ARHGEF1: variants seen among roughly 807,000 people sequenced by gnomAD.
The protein encoded by ARHGEF1 is 115 kDa guanine nucleotide exchange factor.
ARHGEF1 carries 40 observed loss-of-function variants against 119.7 expected under a neutral mutation model. The observed-to-expected ratio is 0.33, with a 90% CI of 0.26 to 0.44. The LOEUF (loss-of-function observed/expected upper bound fraction) is 0.44. Ranked by LOEUF, ARHGEF1 falls within the 20% of genes least tolerant of loss-of-function variation. The probability of loss-of-function intolerance (pLI) is 1.00; values close to 1 mark genes in which losing one functional copy is unlikely to be tolerated. For synonymous variants in ARHGEF1, 494 were observed against 521.0 expected (o/e 0.95, Z 0.71); for missense variants, 976 against 1,268.3 (o/e 0.77, Z 3.50).
chr19:41,909,799 G>A, downstream of ARHGEF1: 3 of 1,486,800 alleles, frequency 2.0e-6, no homozygotes, highest in Non-Finnish European at 1.8e-6. The surrounding 1 kb of genome is among the most constrained non-coding windows in gnomAD (Gnocchi z 5.2). Context: ...GATGCAGAGG[G>A]GGCACCAGAG....
chr19:41,902,098 TGGGTTCAACCTGCTCGGGAACCCCA>T lies in ARHGEF1; in HGVS notation c.1414+73_1414+97del, dbSNP rs1180012878. 6 of 1,598,130 alleles carry T rather than the reference TGGGTTCAACCTGCTCGGGAACCCCA, an allele frequency of 3.8e-6. No homozygotes were observed. The Admixed American group carries it at 6.8e-5, about 18-fold the overall frequency. On this transcript the variant is annotated intron_variant, in intron 15 of 28. Coordinates refer to ENST00000354532, the MANE Select transcript of ARHGEF1 (RefSeq NM_004706.4). This position sits in a 1 kb window ranked among gnomAD's most constrained non-coding sequence, Gnocchi z 6.5. ...CCCACGGGCAGCTCTGCTCTAGCCC[TGGGTTCAACCTGCTCGGGAACCCCA>T]GGGTTCACATGGGGTGGGGGCAGAT...
chr19:41,904,872 T>A lies in ARHGEF1; in HGVS notation c.2162-77T>A. 7.8e-7 allele frequency: 1 copy of A among 1,283,896 alleles called. No individual in the cohort carries two copies. Among genetic ancestry groups the A allele is most frequent in the Admixed American group, 1.7e-5 (1 of 58,928 alleles). 79.5% of individuals were successfully genotyped at this position (1,283,896 alleles called of 1,614,324 possible). ...GAGAGCGCCACCACTGTGGGTGACT[T>A]CTCCAGCTTGTGCTTAGGGAGGGGC... is the stretch of plus-strand genomic sequence containing the variant. On this transcript the variant is annotated intron_variant, in intron 22 of 28. Coordinates refer to ENST00000354532, the MANE Select transcript of ARHGEF1 (RefSeq NM_004706.4). The surrounding 1 kb of genome is among the most constrained non-coding windows in gnomAD (Gnocchi z 8.4).
Position 41,905,523 on chromosome 19 carries a change from G to A in ARHGEF1, c.2337-237G>A, listed in dbSNP as rs1015533284. The A allele has an allele frequency of 1.3e-5, 8 of 614,428 alleles. No homozygotes were observed. The highest frequency in any genetic ancestry group is 1.9e-5 in the African/African-American group (1 of 54,016). 38.1% of individuals were successfully genotyped at this position (614,428 alleles called of 1,614,324 possible). On this transcript the variant is annotated intron_variant, in intron 24 of 28. Transcript: ENST00000354532. The surrounding 1 kb of genome is among the most constrained non-coding windows in gnomAD (Gnocchi z 6.4). Reference sequence around the variant, plus strand: ...TGTGTGCATGCGTGTGACAGCATGTGCATGCATGTGTGTGTGTGTGCGCAT... The same window carrying A: ...TGTGTGCATGCGTGTGACAGCATGTACATGCATGTGTGTGTGTGTGCGCAT...
chr19:41,893,369 C>CG lies in ARHGEF1; in HGVS notation c.644+66_644+67insG, dbSNP rs2074410205. ...GGGAGGAGGGGGCTGAGGGCCTGGA[C>CG]TCCTGGGTCTGAGGGAGGAGGAGGC... On this transcript the variant is annotated intron_variant, in intron 8 of 28. Coordinates refer to ENST00000354532, the MANE Select transcript of ARHGEF1 (RefSeq NM_004706.4). The CG allele has an allele frequency of 4.9e-5, 68 of 1,389,170 alleles. No homozygotes were observed. In the East Asian group the frequency reaches 7.6e-4, roughly 15 times the overall value. The allele number at this position is 1,389,170 out of a possible 1,614,324, so 86.1% of individuals were successfully genotyped here.
chr19:41,914,588 T>C (rs73049398), intron 18 of ARHGEF1, among the ~76,000 whole-genome samples: 10,974 of 25,722 alleles, frequency 0.43, 3,021 homozygotes, highest in African/African-American at 0.71. Flanking sequence ...TCTCCCTCCC[T>C]TTCCACCATC....
At chr19:41,920,712 C>G (rs1376340463), upstream of ARHGEF1, among the ~76,000 whole-genome samples, 1 of 152,258 alleles carries the variant, frequency 6.6e-6, no homozygotes, top group South Asian at 2.1e-4. Flanking sequence ...TGTGCACATG[C>G]GCACACACAC....
chr19:41,886,582 G>A (rs782315244), intron 1 of ARHGEF1, among the ~76,000 whole-genome samples: 1 of 152,168 alleles, frequency 6.6e-6, no homozygotes, highest in Non-Finnish European at 1.5e-5. Flanking sequence ...CACCTGGCCA[G>A]TTTGCAAATT....
At chr19:41,930,079 G>A (rs1214556088) in exon 3 of ARHGEF1, 4 of 152,200 alleles carry the variant, frequency 2.6e-5, no homozygotes, top group Non-Finnish European at 5.9e-5. Context: ...AAGTAAACAC[G>A]CATTTGCTGT....
At chr19:41,909,940 G>T, downstream of ARHGEF1, 3 of 1,613,880 alleles carry the variant, frequency 1.9e-6, no homozygotes, top group South Asian at 2.2e-5. This position sits in a 1 kb window ranked among gnomAD's most constrained non-coding sequence, Gnocchi z 5.2. Context: ...CCACCTCATC[G>T]GGGTCTTTGA....
In ARHGEF1 at chr19:41,896,495, G is replaced by A; in HGVS notation, c.1121+13G>A. The A allele has an allele frequency of 6.7e-7, 1 of 1,493,620 alleles. No individual in the cohort carries two copies. The highest frequency in any genetic ancestry group is 8.9e-7 in the Non-Finnish European group (1 of 1,118,334). The allele number at this position is 1,493,620 out of a possible 1,614,324, so 92.5% of individuals were successfully genotyped here. ...CCGAAACCGAGAGGTGCCCAGGCTG[G>A]GGTGCAGGGGCGGGAGGTGTGGCTT... is the stretch of plus-strand genomic sequence containing the variant. On this transcript the variant is annotated intron_variant, in intron 13 of 28. Coordinates refer to ENST00000354532, the MANE Select transcript of ARHGEF1 (RefSeq NM_004706.4).
intron 1 of ARHGEF1, among the ~76,000 whole-genome samples, chr19:41,885,071 C>T (rs1047948832): frequency 2.6e-4 from 39 of 152,058 alleles, no homozygotes; most frequent in African/African-American, 9.4e-4. Context: ...CATGGACCTT[C>T]TAAACCAGCC....
chr19:41,898,672 A>T (rs995443958), intron 14 of ARHGEF1, 85 bp downstream of exon 14: 2 of 1,449,166 alleles, frequency 1.4e-6, no homozygotes, highest in Non-Finnish European at 1.8e-6. Flanking sequence ...AGAGATGTTC[A>T]TCTTGGTGTC....
upstream of ARHGEF1, among the ~76,000 whole-genome samples, chr19:41,919,114 CCACACACAT>C (rs1193784115): frequency 6.6e-6 from 1 of 151,536 alleles, no homozygotes; most frequent in East Asian, 1.9e-4. Flanking sequence ...AACACACATA[CCACACACAT>C]CACCCACATA....
chr19:41,919,361 A>G (rs1487587998), upstream of ARHGEF1, among the ~76,000 whole-genome samples: 1 of 152,160 alleles, frequency 6.6e-6, no homozygotes, highest in Non-Finnish European at 1.5e-5. Flanking sequence ...TAAACATGCA[A>G]CCACACAAAC....
At chr19:41,910,730 C>T (rs942526398), downstream of ARHGEF1, among the ~76,000 whole-genome samples, 4 of 152,226 alleles carry the variant, frequency 2.6e-5, no homozygotes, top group Admixed American at 2.0e-4. The surrounding 1 kb of genome is among the most constrained non-coding windows in gnomAD (Gnocchi z 4.4). Context: ...TGTGTGTGTG[C>T]GTGGACACAC....
rs2123330237 is a variant in ARHGEF1 at position 41,883,682 on chromosome 19, G to A, written c.-20+393G>A. 6.6e-6 allele frequency among the ~76,000 whole-genome samples: 1 copy of A among 152,324 alleles called. No individual in the cohort carries two copies. The highest frequency in any genetic ancestry group is 2.4e-5 in the African/African-American group (1 of 41,576). ...TGAACTCGCACGTGCTTTCCGCAAAGCGCCATCCTCCAACCCCCGCATGCT... is the reference window on the plus strand; with the variant it reads ...TGAACTCGCACGTGCTTTCCGCAAAACGCCATCCTCCAACCCCCGCATGCT... On this transcript the variant is annotated intron_variant, in intron 1 of 28. Coordinates refer to ENST00000354532, the MANE Select transcript of ARHGEF1 (RefSeq NM_004706.4). The surrounding 1 kb of genome is among the most constrained non-coding windows in gnomAD (Gnocchi z 7.6).
chr19:41,897,319 T>C, intron 13 of ARHGEF1: 2 of 1,270,450 alleles, frequency 1.6e-6, no homozygotes, highest in Non-Finnish European at 2.0e-6. Context: ...CCCCAGAAGG[T>C]GGAAGAGGTG....
At position 41,903,898 on chromosome 19, in the gene ARHGEF1, C is replaced by A; in HGVS notation, c.1917+114C>A. 1.5e-6 allele frequency: 2 copies of A among 1,361,212 alleles called. No homozygotes were observed. The highest frequency in any genetic ancestry group is 2.1e-6 in the Non-Finnish European group (2 of 966,258). 84.3% of individuals were successfully genotyped at this position (1,361,212 alleles called of 1,614,324 possible). A position where few individuals can be genotyped will look rare whatever the true frequency, so the allele number is the denominator to read the frequency against. The stretch of plus-strand genomic sequence containing the variant: ...CCATAATACACCCAGGAAGCGAGAG[C>A]TCTGTCCCCCACCTCATGCCAATCC... On this transcript the variant is annotated intron_variant, in intron 20 of 28. Coordinates refer to ENST00000354532, the MANE Select transcript of ARHGEF1 (RefSeq NM_004706.4). This position sits in a 1 kb window ranked among gnomAD's most constrained non-coding sequence, Gnocchi z 4.2.
chr19:41,920,482 G>C (rs113497153), upstream of ARHGEF1, among the ~76,000 whole-genome samples: 3,755 of 145,886 alleles, frequency 0.026, 168 homozygotes, highest in African/African-American at 0.09. Flanking sequence ...ACTCACAGAC[G>C]TGACACACAG....
Sources: gnomAD v4.1 joint callset for allele counts (sites outside exome capture counted in the v4.1 genomes callset) on GRCh38, gnomAD v4.1.1 for gene constraint, Gnocchi (gnomAD v3.1) non-coding constraint, MANE v1.5 for transcripts, NCBI Gene and HGNC (gene_info 2026-07-23, HGNC 2026-07-21) for gene names.